TBX15: variants seen among roughly 807,000 people sequenced by gnomAD.
TBX15 encodes T-box transcription factor TBX15.
In TBX15, 18 loss-of-function variants were observed where a neutral mutation model predicts 53.9. The observed-to-expected ratio is 0.33, with a 90% CI of 0.23 to 0.49. TBX15 has a LOEUF of 0.49. Among genes scored for constraint, TBX15 ranks in the 20% least tolerant of loss-of-function variants. The pLI is 0.98. For missense variants in TBX15, 692 were observed against 749.5 expected (o/e 0.92, Z 0.90); for synonymous variants, 295 against 278.0 (o/e 1.06, Z -0.61).
intron 1 of TBX15, among the ~76,000 whole-genome samples, chr1:118,971,615 C>T (rs560435950): frequency 6.6e-6 from 1 of 152,150 alleles, no homozygotes; most frequent in African/African-American, 2.4e-5. Context: ...AAGAAAGGTA[C>T]AAAATATTAA....
At chr1:118,893,350 A>G (rs1654235978) in intron 7 of TBX15, among the ~76,000 whole-genome samples, 1 of 87,426 alleles carries the variant, frequency 1.1e-5, no homozygotes, top group Non-Finnish European at 2.2e-5. Context: ...GGAAGGAAGG[A>G]AGGAAGGAAA....
intron 6 of TBX15, among the ~76,000 whole-genome samples, chr1:118,902,635 G>A (rs553850219): frequency 2.0e-5 from 3 of 152,230 alleles, no homozygotes; most frequent in South Asian, 2.1e-4. Context: ...AGCTGATTGC[G>A]ATTGTGCCTT....
At chr1:118,890,334 C>G (rs1654096329) in intron 7 of TBX15, among the ~76,000 whole-genome samples, 2 of 152,186 alleles carry the variant, frequency 1.3e-5, no homozygotes, top group Admixed American at 1.3e-4. Flanking sequence ...AATAGCTAGA[C>G]TGGTGTTTTT....
chr1:118,899,078 G>T lies in TBX15; in HGVS notation c.974C>A (p.Pro325His), dbSNP rs1250486685. The T allele has an allele frequency of 5.6e-6, 9 of 1,613,580 alleles. No individual in the cohort carries two copies. The Admixed American group carries it at 1.5e-4, about 27-fold the overall frequency. ...IMETYAFWRP[P>H]VRTLTFEDFT... is the part of the protein sequence containing the mutation. ...GTCTTCGAAGGTGAGTGTGCGCACA[G>T]GAGGTCTCCAGAATGCATATGTCTC... Residue 325 changes from proline (P) to histidine (H), a missense_variant, in exon 7 of 8, where the codon CCT becomes CAT. This residue lies in a region of TBX15 where 375 missense variants were observed against 371.6 expected (regional missense o/e 1.01). Coordinates refer to ENST00000369429, the MANE Select transcript of TBX15 (RefSeq NM_001330677.2).
chr1:118,940,183 T>C (rs1023693909), intron 1 of TBX15, among the ~76,000 whole-genome samples: 2 of 151,962 alleles, frequency 1.3e-5, no homozygotes, highest in African/African-American at 4.9e-5. Context: ...GTCGGTTTTT[T>C]GAGAAAGGAA....
At chr1:118,893,848 TC>T (rs1479273639) in intron 7 of TBX15, among the ~76,000 whole-genome samples, 6 of 152,198 alleles carry the variant, frequency 3.9e-5, no homozygotes, top group African/African-American at 7.2e-5. Flanking sequence ...ACTTATTCAA[TC>T]ACTATTTGAG....
chr1:118,917,553 T>C (rs1464151285), intron 5 of TBX15, among the ~76,000 whole-genome samples: 1 of 152,214 alleles, frequency 6.6e-6, no homozygotes, highest in East Asian at 1.9e-4. Context: ...ATCCTGCATA[T>C]GTGTCGTGGA....
intron 1 of TBX15, among the ~76,000 whole-genome samples, chr1:118,986,874 C>T (rs1339603211): frequency 6.6e-6 from 1 of 152,164 alleles, no homozygotes; most frequent in Non-Finnish European, 1.5e-5. Context: ...GGCTTCTCCC[C>T]TCCTAGGGTT....
chr1:118,903,336 A>G (rs935809529), intron 6 of TBX15, among the ~76,000 whole-genome samples: 1 of 152,202 alleles, frequency 6.6e-6, no homozygotes, highest in East Asian at 1.9e-4. Flanking sequence ...AGACTACAGA[A>G]AAAAACATCC....
intron 5 of TBX15, 44 bp from the exon 6 acceptor site, chr1:118,914,223 ATTTC>A (rs1655115110): frequency 6.4e-7 from 1 of 1,565,840 alleles, no homozygotes; most frequent in Non-Finnish European, 8.8e-7. Flanking sequence ...ATATTAACTG[ATTTC>A]TTTCTTAGTA....
At chr1:118,931,418 T>C (rs1294307543) in intron 2 of TBX15, among the ~76,000 whole-genome samples, 2 of 152,224 alleles carry the variant, frequency 1.3e-5, no homozygotes, top group African/African-American at 4.8e-5. Context: ...GACTTACATT[T>C]GATTGGCCCT....
At chr1:118,924,921 A>AT in intron 3 of TBX15, 104 bp from the exon 4 acceptor site, 1 of 1,229,966 alleles carries the variant, frequency 8.1e-7, no homozygotes, top group Non-Finnish European at 1.2e-6. Flanking sequence ...AAACAAAGAG[A>AT]TTACATGAAT....
At chr1:118,970,428 T>A (rs1245628347) in intron 1 of TBX15, among the ~76,000 whole-genome samples, 1 of 152,180 alleles carries the variant, frequency 6.6e-6, no homozygotes, top group Non-Finnish European at 1.5e-5. Flanking sequence ...ACCTTTATCT[T>A]CTAAACCAAT....
At position 118,915,542 on chromosome 1, in the gene TBX15, AT is replaced by A. The variant is rs1427017647; in HGVS notation, c.862-1364del. ...AACAATGTAGCAAAAGCAATTTTAC[AT>A]GTATTTTATAGACCATAGCAGGAGT... On this transcript the variant is annotated intron_variant, in intron 5 of 7. Transcript: ENST00000369429. Among the ~76,000 whole-genome samples the A allele has an allele frequency of 4.6e-5, 7 of 152,340 alleles. No homozygotes were observed. In the East Asian group the frequency reaches 1.4e-3, roughly 29 times the overall value.
chr1:118,923,498 C>A lies in TBX15; in HGVS notation c.799G>T (p.Val267Leu). The A allele has an allele frequency of 2.5e-6, 4 of 1,613,948 alleles. 1 individual carries two copies. In the South Asian group the frequency reaches 4.4e-5, roughly 18 times the overall value. Reference protein sequence around the residue: ...PTKPVPVGDGVKTFNFPETVF... With the variant: ...PTKPVPVGDGLKTFNFPETVF... ...GTCTCAGGAAAGTTGAACGTTTTCACCCCATCCCCAACAGGAACAGGCTTA... is the reference window on the plus strand; with the variant it reads ...GTCTCAGGAAAGTTGAACGTTTTCAACCCATCCCCAACAGGAACAGGCTTA... Residue 267 changes from valine to leucine, a missense_variant, in exon 5 of 8, where the codon GTG becomes TTG. Around this residue, in one of 3 missense-constraint regions of TBX15, gnomAD observed 307 missense variants for 347.5 expected, o/e 0.88. Coordinates refer to ENST00000369429, the MANE Select transcript of TBX15 (RefSeq NM_001330677.2).
At chr1:118,986,785 A>G (rs574700623) in intron 1 of TBX15, among the ~76,000 whole-genome samples, 2 of 152,298 alleles carry the variant, frequency 1.3e-5, no homozygotes, top group African/African-American at 2.4e-5. Context: ...CACACTCAAG[A>G]TTCTTCCGAC....
In TBX15 at chr1:118,987,889, G is replaced by T; in HGVS notation, c.-94C>A. On this transcript the variant is annotated 5_prime_UTR_variant, in exon 1 of 8. Transcript: ENST00000369429. ...TGAGCGCCCACCGGGCCCGGCCCGG[G>T]AGAGGCGGAGGCGCGTCGGACGAGG... 3 of 1,474,610 alleles carry T rather than the reference G, an allele frequency of 2.0e-6. No individual in the cohort carries two copies. Among genetic ancestry groups the T allele is most frequent in the Admixed American group, 2.1e-5 (1 of 48,454 alleles). The allele number at this position is 1,474,610 out of a possible 1,614,324, so 91.3% of individuals were successfully genotyped here. A position where few individuals can be genotyped will look rare whatever the true frequency, so the allele number is the denominator to read the frequency against.
At chr1:118,943,612 G>GA (rs1229316741) in intron 1 of TBX15, among the ~76,000 whole-genome samples, 1 of 152,196 alleles carries the variant, frequency 6.6e-6, no homozygotes, top group Non-Finnish European at 1.5e-5. Context: ...CTCTCACCTT[G>GA]AACAGAGAAG....
chr1:118,965,612 C>T (rs1012902678), intron 1 of TBX15, among the ~76,000 whole-genome samples: 4 of 151,990 alleles, frequency 2.6e-5, no homozygotes, highest in African/African-American at 9.7e-5. Flanking sequence ...CACAAGAATG[C>T]CCAAAAATAA....
Sources: gnomAD v4.1 joint callset for allele counts (sites outside exome capture counted in the v4.1 genomes callset) on GRCh38, gnomAD v4.1.1 for gene constraint, gnomAD v4.1.1 regional missense constraint, MANE v1.5 for transcripts, NCBI Gene and HGNC (gene_info 2026-07-23, HGNC 2026-07-21) for gene names.